Variants in ABLIM3 observed in about 807,000 individuals in gnomAD.
The protein encoded by ABLIM3 is actin binding LIM protein family member 3.
A neutral mutation model predicts 109.5 loss-of-function variants in ABLIM3; 61 were observed. The ratio of observed to expected loss-of-function variants is 0.56; its 90% CI spans 0.45 to 0.69. The LOEUF (loss-of-function observed/expected upper bound fraction) is 0.69. Among genes scored for constraint, ABLIM3 ranks in the 30% least tolerant of loss-of-function variants. The pLI, the probability that ABLIM3 is intolerant of heterozygous loss-of-function variation, is 0.00. For missense variants in ABLIM3, 796 were observed against 889.5 expected (o/e 0.89, Z 1.34); for synonymous variants, 300 against 324.8 (o/e 0.92, Z 0.82).
intron 8 of ABLIM3, among the ~76,000 whole-genome samples, chr5:149,228,956 C>T (rs1220833408): frequency 2.0e-5 from 3 of 152,196 alleles, no homozygotes; most frequent in Non-Finnish European, 4.4e-5. Flanking sequence ...ATGAGGACTT[C>T]TGCCCTCTTG....
intron 18 of ABLIM3, among the ~76,000 whole-genome samples, chr5:149,248,842 A>T (rs1278925237): frequency 6.7e-6 from 1 of 148,468 alleles, no homozygotes; most frequent in Non-Finnish European, 1.5e-5. Context: ...TCTCATTGCA[A>T]GCTCCTCCTA....
At chr5:149,236,497 G>T (rs1364580817) in intron 10 of ABLIM3, among the ~76,000 whole-genome samples, 1 of 152,072 alleles carries the variant, frequency 6.6e-6, no homozygotes, top group Non-Finnish European at 1.5e-5. Context: ...GGTCACAGAG[G>T]GAACAGCTGG....
At chr5:149,175,435 G>C (rs1469655700) in intron 2 of ABLIM3, among the ~76,000 whole-genome samples, 1 of 152,174 alleles carries the variant, frequency 6.6e-6, no homozygotes, top group Non-Finnish European at 1.5e-5. Context: ...AAGTTAGGGA[G>C]GGCAGAAAGG....
At chr5:149,252,180 T>C (rs755960341) in intron 21 of ABLIM3, 21 bp from the exon 22 acceptor site, 1 of 1,613,650 alleles carries the variant, frequency 6.2e-7, no homozygotes, top group Admixed American at 1.7e-5. Context: ...TCTGTGTGTG[T>C]GTCTCTTTTT....
intron 23 of ABLIM3, among the ~76,000 whole-genome samples, chr5:149,253,320 T>C (rs1047350134): frequency 1.3e-5 from 2 of 152,116 alleles, no homozygotes; most frequent in Non-Finnish European, 2.9e-5. Context: ...CATAAGTAAG[T>C]CTTGAGTCAA....
chr5:149,166,566 T>C (rs1291974729), intron 2 of ABLIM3, among the ~76,000 whole-genome samples: 1 of 152,216 alleles, frequency 6.6e-6, no homozygotes, highest in Non-Finnish European at 1.5e-5. Context: ...AAGCTAGTGG[T>C]CTTTTTACCC....
intron 5 of ABLIM3, 26 bp downstream of exon 5, chr5:149,200,454 C>T: frequency 2.5e-6 from 4 of 1,602,188 alleles, no homozygotes; most frequent in Non-Finnish European, 3.4e-6. Context: ...GGGTATCTCC[C>T]TGTCCATGGG....
chr5:149,195,527 G>C (rs1244939547), intron 3 of ABLIM3, among the ~76,000 whole-genome samples: 1 of 152,146 alleles, frequency 6.6e-6, no homozygotes, highest in Non-Finnish European at 1.5e-5. Context: ...GGGGGCAATG[G>C]AGGACTGATT....
chr5:149,149,684 C>G (rs1753253028), intron 2 of ABLIM3, among the ~76,000 whole-genome samples: 1 of 152,102 alleles, frequency 6.6e-6, no homozygotes, highest in Non-Finnish European at 1.5e-5. Flanking sequence ...CATGGCCTAG[C>G]CACTGATTGT....
intron 23 of ABLIM3, among the ~76,000 whole-genome samples, chr5:149,256,063 C>T (rs1032512547): frequency 3.9e-5 from 6 of 152,206 alleles, no homozygotes; most frequent in South Asian, 2.1e-4. Context: ...CCTGCTTTAA[C>T]GCCTTTCTGT....
chr5:149,232,103 C>T (rs371820882), intron 9 of ABLIM3, among the ~76,000 whole-genome samples: 4 of 152,170 alleles, frequency 2.6e-5, no homozygotes, highest in East Asian at 3.9e-4. Flanking sequence ...GTCAGTAGTT[C>T]GAGACCAGGC....
At chr5:149,224,557 C>T (rs1377893040) in intron 8 of ABLIM3, among the ~76,000 whole-genome samples, 1 of 152,178 alleles carries the variant, frequency 6.6e-6, no homozygotes. Context: ...ACCTGCATAG[C>T]CAGCCTGCCA....
intron 18 of ABLIM3, among the ~76,000 whole-genome samples, chr5:149,249,055 A>G (rs201765624): frequency 6.6e-6 from 1 of 152,190 alleles, no homozygotes; most frequent in African/African-American, 2.4e-5. Context: ...TAGAGCTGCA[A>G]TGTAGAGGGA....
At chr5:149,168,646 T>TG (rs1235397574) in intron 2 of ABLIM3, among the ~76,000 whole-genome samples, 1 of 152,226 alleles carries the variant, frequency 6.6e-6, no homozygotes, top group Non-Finnish European at 1.5e-5. Context: ...CTAGCTGTAT[T>TG]GGGACATTTT....
chr5:149,142,199 G>A (rs1752528010), intron 2 of ABLIM3, 91 bp downstream of exon 2: 1 of 1,578,700 alleles, frequency 6.3e-7, no homozygotes, highest in Non-Finnish European at 8.7e-7. Context: ...AAAGAGGAAG[G>A]AAGCCTGGCA....
At chr5:149,212,193 G>A (rs1234057264) in intron 7 of ABLIM3, among the ~76,000 whole-genome samples, 1 of 152,180 alleles carries the variant, frequency 6.6e-6, no homozygotes, top group Non-Finnish European at 1.5e-5. Context: ...TGTGGTTACT[G>A]TGTGGAGAAT....
chr5:149,251,146 C>T (rs1055313965), intron 20 of ABLIM3, among the ~76,000 whole-genome samples: 7 of 152,184 alleles, frequency 4.6e-5, no homozygotes, highest in Non-Finnish European at 1.0e-4. Flanking sequence ...GTGAAATTCA[C>T]CAAATAAATG....
chr5:149,156,901 T>C (rs1239226573), intron 2 of ABLIM3, among the ~76,000 whole-genome samples: 1 of 152,264 alleles, frequency 6.6e-6, no homozygotes, highest in African/African-American at 2.4e-5. Flanking sequence ...ATTTGGCCCG[T>C]GAGCCGGTTT....
rs1758146321 is a variant in ABLIM3, at chr5:149,198,125, C to T, written c.152-94C>T. On this transcript the variant is annotated intron_variant, in intron 3 of 23. Coordinates refer to ENST00000309868, the MANE Select transcript of ABLIM3 (RefSeq NM_014945.5). This position sits in a 1 kb window ranked among gnomAD's most constrained non-coding sequence, Gnocchi z 4.2. Reference sequence around the variant, plus strand: ...TACCATTCTGTGGCCACTCATGACACAGTGAGACACCAGCCTTTCCCCCAG... The same window carrying T: ...TACCATTCTGTGGCCACTCATGACATAGTGAGACACCAGCCTTTCCCCCAG... 7.9e-7 allele frequency: 1 copy of T among 1,265,728 alleles called. No individual in the cohort carries two copies. Among genetic ancestry groups the T allele is most frequent in the Admixed American group, 2.2e-5 (1 of 45,466 alleles). The allele number at this position is 1,265,728 out of a possible 1,614,324, so 78.4% of individuals were successfully genotyped here. A position where few individuals can be genotyped will look rare whatever the true frequency, so the allele number is the denominator to read the frequency against.
Sources: allele counts gnomAD v4.1 joint callset (sites outside exome capture counted in the v4.1 genomes callset), GRCh38; gene constraint gnomAD v4.1.1; non-coding constraint Gnocchi (gnomAD v3.1); transcripts MANE v1.5; gene names NCBI Gene and HGNC (gene_info 2026-07-23, HGNC 2026-07-21).